The following KCNH5 variants were observed in gnomAD, a reference collection of about 807,000 sequenced individuals.
KCNH5 encodes potassium voltage-gated channel subfamily H member 5.
In KCNH5, 46 loss-of-function variants were observed where a neutral mutation model predicts 96.1. The ratio of observed to expected loss-of-function variants is 0.48; its 90% CI spans 0.38 to 0.61. KCNH5 has a LOEUF of 0.61. KCNH5 is among the 20% of genes least tolerant of loss of function. The pLI is 0.00. For synonymous variants in KCNH5, 439 were observed against 449.8 expected (o/e 0.98, Z 0.30); for missense variants, 907 against 1,225.8 (o/e 0.74, Z 3.88).
rs371894316 is a variant in KCNH5, at chr14:62,849,875, A to G, written c.1370-23T>C. 2.1e-4 allele frequency: 321 copies of G among 1,522,130 alleles called. 1 individual carries two copies. The highest frequency in any genetic ancestry group is 5.1e-4 in the Middle Eastern group (3 of 5,902). The allele number at this position is 1,522,130 out of a possible 1,614,324, so 94.3% of individuals were successfully genotyped here. On this transcript the variant is annotated intron_variant, in intron 7 of 10. Transcript: ENST00000322893. Reference sequence around the variant, plus strand: ...GAGCTGAAAGAGAAGAAATGATAAAAATAAAACAAATATCTCATGTGAAAA... The same window carrying G: ...GAGCTGAAAGAGAAGAAATGATAAAGATAAAACAAATATCTCATGTGAAAA...
At chr14:62,975,623 G>A (rs1890485402) in intron 6 of KCNH5, among the ~76,000 whole-genome samples, 1 of 152,074 alleles carries the variant, frequency 6.6e-6, no homozygotes, top group Non-Finnish European at 1.5e-5. Context: ...TCTGGAATCT[G>A]TTAAGTCAAA....
chr14:62,916,161 C>A (rs781368820), intron 7 of KCNH5, among the ~76,000 whole-genome samples: 17 of 151,924 alleles, frequency 1.1e-4, no homozygotes, highest in Non-Finnish European at 2.5e-4. Flanking sequence ...ACCGTGTTAG[C>A]CAGGATGGGC....
Position 63,008,814 on chromosome 14 carries a change from G to C in KCNH5, c.198-2342C>G, listed in dbSNP as rs111866624. ...AGAGTTTCATAAAAATTGCTTGAAG[G>C]CATTACAATTAAATTAGAATTATTC... On this transcript the variant is annotated intron_variant, in intron 2 of 10. Transcript: ENST00000322893. Among the ~76,000 whole-genome samples, 302 of 152,040 alleles carry C rather than the reference G, an allele frequency of 2.0e-3. 3 individuals carry two copies. The highest frequency in any genetic ancestry group is 7.1e-3 in the African/African-American group (296 of 41,502).
At chr14:62,819,865 C>G (rs572189525) in intron 8 of KCNH5, among the ~76,000 whole-genome samples, 97 of 152,290 alleles carry the variant, frequency 6.4e-4, no homozygotes, top group Non-Finnish European at 5.0e-4. Context: ...ATTACTGTTA[C>G]TTTCTCCAAC....
intron 10 of KCNH5, among the ~76,000 whole-genome samples, chr14:62,712,040 C>A (rs1252343261): frequency 1.3e-5 from 2 of 152,150 alleles, no homozygotes; most frequent in African/African-American, 2.4e-5. Flanking sequence ...TGACAATCTG[C>A]AGCCCAGTGA....
chr14:62,840,578 T>C (rs1566678144), intron 8 of KCNH5, among the ~76,000 whole-genome samples: 1 of 136,916 alleles, frequency 7.3e-6, no homozygotes, highest in African/African-American at 2.7e-5. Flanking sequence ...TTTTTTTTTT[T>C]TTTTTTTTTT....
intron 6 of KCNH5, among the ~76,000 whole-genome samples, chr14:62,975,713 A>G (rs1049164957): frequency 3.3e-5 from 5 of 152,278 alleles, no homozygotes; most frequent in African/African-American, 9.6e-5. Flanking sequence ...AGATTAAAGG[A>G]AAGTTCAATC....
At chr14:62,781,678 G>T (rs749747899) in intron 9 of KCNH5, among the ~76,000 whole-genome samples, 1 of 152,200 alleles carries the variant, frequency 6.6e-6, no homozygotes, top group Non-Finnish European at 1.5e-5. Flanking sequence ...GCTCTGTTCC[G>T]CCGGGCTCAC....
At chr14:62,779,630 G>T in intron 10 of KCNH5, 98 bp downstream of exon 10, 2 of 954,940 alleles carry the variant, frequency 2.1e-6, no homozygotes, top group East Asian at 2.7e-5. Flanking sequence ...GGAATTTAGT[G>T]CTGCAAAACA....
intron 7 of KCNH5, among the ~76,000 whole-genome samples, chr14:62,879,726 G>T (rs1433377552): frequency 1.3e-5 from 2 of 152,032 alleles, no homozygotes; most frequent in Non-Finnish European, 1.5e-5. Flanking sequence ...TTGCCAATTT[G>T]ATTTGTAATT....
intron 9 of KCNH5, among the ~76,000 whole-genome samples, chr14:62,789,982 A>T (rs539885118): frequency 1.3e-5 from 2 of 151,874 alleles, no homozygotes; most frequent in Admixed American, 6.6e-5. Context: ...TGCCAAGGCC[A>T]ATATCAAGGT....
chr14:62,727,531 T>C lies in KCNH5; in HGVS notation c.2020-19076A>G, dbSNP rs567447279. ...GAAAATGCATCAAATAGTACACTTA[T>C]GATTTGTAGACATTTCTATATATGA... On this transcript the variant is annotated intron_variant, in intron 10 of 10. Transcript: ENST00000322893. Among the ~76,000 whole-genome samples the C allele has an allele frequency of 1.8e-4, 27 of 152,310 alleles. No homozygotes were observed. In the East Asian group the frequency reaches 5.2e-3, roughly 29 times the overall value.
chr14:62,787,606 ATAG>A (rs1886345307), intron 9 of KCNH5, among the ~76,000 whole-genome samples: 1 of 143,774 alleles, frequency 7.0e-6, no homozygotes, highest in African/African-American at 3.0e-5. Context: ...ACTTTCATAG[ATAG>A]AGAGAAGTCA....
At chr14:62,826,407 C>CAT (rs1887226566) in intron 8 of KCNH5, among the ~76,000 whole-genome samples, 1 of 53,742 alleles carries the variant, frequency 1.9e-5, no homozygotes, top group South Asian at 7.8e-4. Context: ...TGCGTGCGTG[C>CAT]ATGTGTGTGT....
chr14:62,851,638 T>A (rs1887808930), intron 7 of KCNH5, among the ~76,000 whole-genome samples: 1 of 152,020 alleles, frequency 6.6e-6, no homozygotes, highest in Non-Finnish European at 1.5e-5. Flanking sequence ...GAATTTTACA[T>A]TTTCAGAAAA....
chr14:62,820,351 CTT>C (rs34357540), intron 8 of KCNH5, among the ~76,000 whole-genome samples: 5 of 144,924 alleles, frequency 3.5e-5, no homozygotes, highest in Admixed American at 6.9e-5. Context: ...TTGTTATATA[CTT>C]TTTTTTTTTT....
At chr14:62,750,653 G>GT (rs1885478025) in intron 10 of KCNH5, among the ~76,000 whole-genome samples, 1 of 152,172 alleles carries the variant, frequency 6.6e-6, no homozygotes. Flanking sequence ...TCTAAGTGAT[G>GT]TTTTACAGGA....
chr14:62,897,432 A>G (rs1471703859), intron 7 of KCNH5, among the ~76,000 whole-genome samples: 1 of 152,214 alleles, frequency 6.6e-6, no homozygotes, highest in African/African-American at 2.4e-5. Flanking sequence ...GTTTTTCTAG[A>G]TGAACCAAGT....
At chr14:62,887,746 T>C (rs1888626472) in intron 7 of KCNH5, among the ~76,000 whole-genome samples, 1 of 152,136 alleles carries the variant, frequency 6.6e-6, no homozygotes, top group Admixed American at 6.5e-5. Flanking sequence ...TCTGCTTTGC[T>C]CATACCTCTT....
Sources: allele counts gnomAD v4.1 joint callset (sites outside exome capture counted in the v4.1 genomes callset), GRCh38; gene constraint gnomAD v4.1.1; transcripts MANE v1.5; gene names NCBI Gene and HGNC (gene_info 2026-07-23, HGNC 2026-07-21).